EYS: variants seen among roughly 807,000 people sequenced by gnomAD.
EYS encodes the protein EGF-like photoreceptor maintenance factor.
Under a neutral mutation model 282.1 loss-of-function variants are expected in EYS, and 250 were observed. That is an observed-to-expected ratio of 0.89 (90% confidence interval 0.80 to 0.98). EYS has a LOEUF of 0.98. Ranked by LOEUF, EYS falls within the 50% of genes least tolerant of loss-of-function variation. EYS has a pLI of 0.00. For synonymous variants in EYS, 1,355 were observed against 1,282.9 expected, an observed-to-expected ratio of 1.06 and a Z score of -1.20; for missense variants, 4,016 against 3,709.0, an observed-to-expected ratio of 1.08 and a Z score of -2.15.
chr6:65,579,595 A>G (rs551640574), intron 2 of EYS, among the ~76,000 whole-genome samples: 201 of 151,574 alleles, frequency 1.3e-3, no homozygotes, highest in Middle Eastern at 3.4e-3. Context: ...GCAGATGACC[A>G]TCTTCTCCAT....
intron 36 of EYS, among the ~76,000 whole-genome samples, chr6:63,841,579 T>C (rs184110986): frequency 3.4e-4 from 51 of 152,130 alleles, no homozygotes; most frequent in Non-Finnish European, 6.2e-4. Flanking sequence ...TGTAATGAAC[T>C]GCAATGACTT....
chr6:64,900,126 G>C (rs1446218995), intron 18 of EYS, among the ~76,000 whole-genome samples: 1 of 152,090 alleles, frequency 6.6e-6, no homozygotes, highest in African/African-American at 2.4e-5. Flanking sequence ...AACAAGCAAT[G>C]GGGAAAGGAT....
intron 26 of EYS, among the ~76,000 whole-genome samples, chr6:64,483,755 A>G (rs1776501934): frequency 6.6e-6 from 1 of 151,604 alleles, no homozygotes; most frequent in African/African-American, 2.4e-5. Context: ...CTTCATTAAT[A>G]ATAAAGGTGA....
chr6:64,428,382 A>T (rs1217816659), intron 28 of EYS, among the ~76,000 whole-genome samples: 1 of 152,150 alleles, frequency 6.6e-6, no homozygotes, highest in African/African-American at 2.4e-5. Context: ...CAAAGATAAG[A>T]GAAAAATGAG....
At chr6:64,449,368 C>T (rs1407154053) in intron 26 of EYS, among the ~76,000 whole-genome samples, 1 of 152,122 alleles carries the variant, frequency 6.6e-6, no homozygotes, top group Admixed American at 6.5e-5. Context: ...AAAAGACCAA[C>T]TCTACGTCTC....
chr6:65,680,185 T>C (rs1306864870), intron 1 of EYS, among the ~76,000 whole-genome samples: 1 of 151,786 alleles, frequency 6.6e-6, no homozygotes. Flanking sequence ...GACTCTAAGA[T>C]GTGGGTCACG....
chr6:65,527,844 G>C (rs778592939), intron 2 of EYS, among the ~76,000 whole-genome samples: 2 of 152,026 alleles, frequency 1.3e-5, no homozygotes, highest in Non-Finnish European at 2.9e-5. Context: ...TTTAGTTAAG[G>C]GTTACAAAGT....
At chr6:64,594,247 C>T (rs1766502453) in intron 24 of EYS, among the ~76,000 whole-genome samples, 1 of 152,060 alleles carries the variant, frequency 6.6e-6, no homozygotes, top group Non-Finnish European at 1.5e-5. Flanking sequence ...AAGAAAAGCC[C>T]AGGACCAGGT....
chr6:64,920,739 G>T (rs978819435), intron 15 of EYS, among the ~76,000 whole-genome samples: 5 of 151,992 alleles, frequency 3.3e-5, no homozygotes, highest in African/African-American at 1.2e-4. Context: ...AATGTATAAA[G>T]ATCCTATATA....
At chr6:65,048,266 T>C (rs1339465682) in intron 13 of EYS, among the ~76,000 whole-genome samples, 1 of 151,942 alleles carries the variant, frequency 6.6e-6, no homozygotes, top group African/African-American at 2.4e-5. Flanking sequence ...TCATTTCATC[T>C]GTACAGTCCC....
intron 26 of EYS, among the ~76,000 whole-genome samples, chr6:64,548,243 G>A (rs1234922616): frequency 1.3e-5 from 2 of 152,214 alleles, no homozygotes; most frequent in Non-Finnish European, 2.9e-5. Flanking sequence ...CTGTAAACTA[G>A]TTCAACCATT....
At chr6:65,478,709 G>C (rs908586773) in intron 5 of EYS, among the ~76,000 whole-genome samples, 7 of 151,980 alleles carry the variant, frequency 4.6e-5, no homozygotes, top group Non-Finnish European at 8.8e-5. Flanking sequence ...CCAAATTACT[G>C]TTTCTACTTG....
intron 35 of EYS, among the ~76,000 whole-genome samples, chr6:63,968,439 T>C (rs1422615344): frequency 6.6e-6 from 1 of 152,090 alleles, no homozygotes; most frequent in African/African-American, 2.4e-5. Context: ...TGCAGGGGTA[T>C]GTGTGGAAAC....
chr6:63,826,845 C>CAAAAAAAAAAAAAAAAAAAGAAAA (rs1771478105), intron 36 of EYS, among the ~76,000 whole-genome samples: 1 of 76,762 alleles, frequency 1.3e-5, no homozygotes, highest in East Asian at 4.1e-4. Context: ...AGTTAAAAAG[C>CAAAAAAAAAAAAAAAAAAAGAAAA]AAAAAAAAAA....
At chr6:64,688,173 C>T (rs1433575229) in intron 22 of EYS, among the ~76,000 whole-genome samples, 2 of 151,984 alleles carry the variant, frequency 1.3e-5, no homozygotes, top group African/African-American at 4.8e-5. Context: ...TTCAAAAAAA[C>T]AGCTCCCGGA....
At chr6:64,228,378 A>G (rs939894520) in intron 31 of EYS, among the ~76,000 whole-genome samples, 5 of 152,188 alleles carry the variant, frequency 3.3e-5, no homozygotes, top group African/African-American at 1.2e-4. Context: ...CAAAAAAATT[A>G]CGGATAATAT....
chr6:65,706,217 T>G (rs1769872877), intron 1 of EYS, among the ~76,000 whole-genome samples: 1 of 151,702 alleles, frequency 6.6e-6, no homozygotes, highest in African/African-American at 2.4e-5. Context: ...TACACATGAG[T>G]ATATATATCA....
intron 5 of EYS, among the ~76,000 whole-genome samples, chr6:65,436,621 AC>A (rs1188026012): frequency 6.6e-6 from 1 of 152,140 alleles, no homozygotes; most frequent in Non-Finnish European, 1.5e-5. Context: ...ATGGTTGAGA[AC>A]CCTGTTCTAT....
intron 9 of EYS, among the ~76,000 whole-genome samples, chr6:65,344,506 C>T (rs1327836492): frequency 1.3e-5 from 2 of 151,174 alleles, no homozygotes; most frequent in African/African-American, 2.4e-5. Context: ...GAACACTGTC[C>T]TATAACAAAA....
Sources: allele counts gnomAD v4.1 joint callset (sites outside exome capture counted in the v4.1 genomes callset), GRCh38; gene constraint gnomAD v4.1.1; transcripts MANE v1.5; gene names NCBI Gene and HGNC (gene_info 2026-07-23, HGNC 2026-07-21).